CEP295: variants seen among roughly 807,000 people sequenced by gnomAD.
The protein encoded by CEP295 is centrosomal protein of 295 kDa.
Under a neutral mutation model 291.6 loss-of-function variants are expected in CEP295, and 190 were observed. That is an observed-to-expected ratio of 0.65 (90% CI 0.58 to 0.73). The LOEUF (loss-of-function observed/expected upper bound fraction) is 0.73, where lower values mean the gene tolerates loss of function less well. Among genes scored for constraint, CEP295 ranks in the 30% least tolerant of loss-of-function variants. CEP295 has a pLI of 0.00. For missense variants in CEP295, 2,863 were observed against 2,949.4 expected, an observed-to-expected ratio of 0.97 and a Z score of 0.68; for synonymous variants, 993 against 1,038.8, an observed-to-expected ratio of 0.96 and a Z score of 0.85.
intron 9 of CEP295, 151 bp from the exon 10 acceptor site, chr11:93,687,493 T>TATATATCTGAC: frequency 2.1e-6 from 1 of 472,868 alleles, no homozygotes; most frequent in Non-Finnish European, 3.7e-6. Flanking sequence ...TCAGATAGCA[T>TATATATCTGAC]TGTTGTATAT....
intron 9 of CEP295, among the ~76,000 whole-genome samples, chr11:93,686,086 A>G (rs1237624808): frequency 2.7e-5 from 4 of 149,554 alleles, no homozygotes; most frequent in African/African-American, 4.9e-5. Flanking sequence ...TGGGAGGCCA[A>G]GGTGGGAGGA....
chr11:93,719,512 C>G (rs1953538386), intron 18 of CEP295: 1 of 152,084 alleles, frequency 6.6e-6, no homozygotes, highest in Non-Finnish European at 1.5e-5. Flanking sequence ...AAGCAATCCT[C>G]CCACCTCAAC....
At chr11:93,701,604 T>C (rs1952163342) in intron 15 of CEP295, among the ~76,000 whole-genome samples, 1 of 152,058 alleles carries the variant, frequency 6.6e-6, no homozygotes, top group African/African-American at 2.4e-5. Context: ...GTTTTTTGTT[T>C]GTTTGTTTGT....
chr11:93,665,534 CCT>C (rs759403731), intron 1 of CEP295, among the ~76,000 whole-genome samples: 48 of 152,174 alleles, frequency 3.2e-4, no homozygotes, highest in African/African-American at 9.4e-4. Flanking sequence ...ATGGTGAACC[CCT>C]GTCTCTACTA....
intron 15 of CEP295, among the ~76,000 whole-genome samples, chr11:93,702,032 C>T (rs1363158213): frequency 2.0e-5 from 3 of 152,092 alleles, no homozygotes; most frequent in Admixed American, 6.5e-5. Flanking sequence ...GATCTTGGCT[C>T]ACTGCAACCT....
intron 6 of CEP295, among the ~76,000 whole-genome samples, chr11:93,677,051 G>A (rs1010901374): frequency 1.3e-5 from 2 of 151,818 alleles, no homozygotes; most frequent in African/African-American, 2.4e-5. Context: ...ATTTTTATTC[G>A]AATATTTTCT....
intron 18 of CEP295, among the ~76,000 whole-genome samples, chr11:93,720,305 T>A (rs1483598410): frequency 6.6e-6 from 1 of 151,238 alleles, no homozygotes; most frequent in Admixed American, 6.6e-5. Context: ...AAACTCCGTC[T>A]CTACTAAAAA....
intron 12 of CEP295, among the ~76,000 whole-genome samples, chr11:93,695,292 C>T (rs1291131711): frequency 6.6e-6 from 1 of 152,152 alleles, no homozygotes; most frequent in Non-Finnish European, 1.5e-5. Flanking sequence ...TTACTTCTAT[C>T]CCTTTTTCTC....
chr11:93,667,753 G>A lies in CEP295; in HGVS notation c.255G>A (p.Leu85=). Residue 85 remains leucine (L), a synonymous_variant, in exon 3 of 30, where the codon CTG becomes CTA. Transcript: ENST00000325212. Reference sequence around the variant, plus strand: ...AGAAAATACAGAACTTGGAAAAACTGTATTTGGCAAGTTTAAGAAGTATGG... The same window carrying A: ...AGAAAATACAGAACTTGGAAAAACTATATTTGGCAAGTTTAAGAAGTATGG... ...QTQKIQNLEK[L]YLASLRSMGE... 2.6e-6 allele frequency: 4 copies of A among 1,551,442 alleles called. No homozygotes were observed. The highest frequency in any genetic ancestry group is 1.4e-5 in the African/African-American group (1 of 73,156).
At chr11:93,671,088 G>A (rs1950424025) in intron 5 of CEP295, among the ~76,000 whole-genome samples, 1 of 152,064 alleles carries the variant, frequency 6.6e-6, no homozygotes, top group African/African-American at 2.4e-5. Flanking sequence ...TCACCATGTT[G>A]GCCAGGCTGG....
intron 1 of CEP295, among the ~76,000 whole-genome samples, chr11:93,662,052 C>T (rs970930118): frequency 6.6e-6 from 1 of 152,186 alleles, no homozygotes; most frequent in Admixed American, 6.5e-5. Flanking sequence ...CACGCAGCCT[C>T]CCCTGTCGCG....
rs181130915 is a variant in CEP295 at position 93,706,013 on chromosome 11, G to A, written c.5597-732G>A. Among the ~76,000 whole-genome samples the A allele has an allele frequency of 1.8e-3, 269 of 152,276 alleles. 4 individuals carry two copies. The highest frequency in any genetic ancestry group is 6.3e-3 in the African/African-American group (261 of 41,560). On this transcript the variant is annotated intron_variant, in intron 17 of 29. Transcript: ENST00000325212. Reference sequence around the variant, plus strand: ...CCCTCTGATTTCCTTATGGCATTCTGTCACCCCCTTCCACTCTTGCCTGCT... The same window carrying A: ...CCCTCTGATTTCCTTATGGCATTCTATCACCCCCTTCCACTCTTGCCTGCT...
chr11:93,669,427 T>TTTC (rs397964066), intron 4 of CEP295, among the ~76,000 whole-genome samples: 4 of 151,546 alleles, frequency 2.6e-5, no homozygotes, highest in Non-Finnish European at 4.4e-5. Context: ...TTTTTTTTTT[T>TTTC]CACTCTAAAG....
intron 25 of CEP295, chr11:93,729,057 T>C: frequency 1.9e-6 from 1 of 528,928 alleles, no homozygotes; most frequent in Non-Finnish European, 3.3e-6. Context: ...GAACTAATCT[T>C]ATACACCTAG....
intron 22 of CEP295, 65 bp downstream of exon 22, chr11:93,724,440 C>A: frequency 6.8e-7 from 1 of 1,466,920 alleles, no homozygotes; most frequent in Non-Finnish European, 9.3e-7. Context: ...ATTTCTTCTA[C>A]TGGAACAAAA....
chr11:93,695,867 T>G (rs1951821177), intron 13 of CEP295, among the ~76,000 whole-genome samples: 1 of 151,950 alleles, frequency 6.6e-6, no homozygotes, highest in Admixed American at 6.6e-5. Flanking sequence ...AAAAATTAGC[T>G]GGGCATGGTG....
intron 3 of CEP295, among the ~76,000 whole-genome samples, chr11:93,668,267 C>G (rs533818699): frequency 6.6e-6 from 1 of 152,114 alleles, no homozygotes; most frequent in African/African-American, 2.4e-5. Context: ...CAGTCACATA[C>G]AGTAAACAAG....
At chr11:93,685,488 G>A (rs969682699) in intron 9 of CEP295, among the ~76,000 whole-genome samples, 8 of 152,132 alleles carry the variant, frequency 5.3e-5, no homozygotes, top group African/African-American at 1.9e-4. Context: ...TGTCTCCTAT[G>A]CCTACATTGT....
intron 25 of CEP295, 33 bp from the exon 26 acceptor site, chr11:93,729,401 A>G (rs1013550996): frequency 1.3e-5 from 19 of 1,447,776 alleles, no homozygotes; most frequent in African/African-American, 2.8e-5. Flanking sequence ...AAGCGTTTAA[A>G]AAGAGTAAAA....
Sources: gnomAD v4.1 joint callset for allele counts (sites outside exome capture counted in the v4.1 genomes callset) on GRCh38, gnomAD v4.1.1 for gene constraint, MANE v1.5 for transcripts, NCBI Gene and HGNC (gene_info 2026-07-23, HGNC 2026-07-21) for gene names.